CALN1: variants seen among roughly 807,000 people sequenced by gnomAD.
The protein encoded by CALN1 is calcium-binding protein 8.
Under a neutral mutation model 30.6 loss-of-function variants are expected in CALN1, and 17 were observed. The ratio of observed to expected loss-of-function variants is 0.56; its 90% CI spans 0.38 to 0.83. CALN1 has a LOEUF of 0.83. CALN1 is among the 40% of genes least tolerant of loss of function. CALN1 has a pLI of 0.00. For synonymous variants in CALN1, 156 were observed against 131.4 expected (o/e 1.19, Z -1.28); for missense variants, 291 against 354.9 (o/e 0.82, Z 1.45).
At chr7:72,501,948 T>TATACAC in the CALN1 span, among the ~76,000 whole-genome samples, 12,859 of 72,122 alleles carry the variant, frequency 0.18, 2,385 homozygotes, top group Non-Finnish European at 0.2. Flanking sequence ...TATATATATA[T>TATACAC]ACACACATAT....
At chr7:72,490,737 C>T in the CALN1 span, among the ~76,000 whole-genome samples, 2 of 152,132 alleles carry the variant, frequency 1.3e-5, no homozygotes, top group African/African-American at 2.4e-5. Context: ...TGAAGATGTG[C>T]TTGCTTCCCC....
intron 5 of CALN1, among the ~76,000 whole-genome samples, chr7:71,919,489 C>T (rs1008124590): frequency 1.3e-5 from 2 of 152,196 alleles, no homozygotes; most frequent in Non-Finnish European, 2.9e-5. Flanking sequence ...TAGGAAAAGA[C>T]ATAGTCCCTG....
At chr7:71,920,271 C>T (rs1441978145) in intron 5 of CALN1, among the ~76,000 whole-genome samples, 1 of 151,096 alleles carries the variant, frequency 6.6e-6, no homozygotes, top group Non-Finnish European at 1.5e-5. Context: ...GACAAACACA[C>T]TTGATTTTAA....
intron 1 of CALN1, among the ~76,000 whole-genome samples, chr7:72,425,277 C>G (rs951876549): frequency 1.3e-5 from 2 of 152,184 alleles, no homozygotes; most frequent in Non-Finnish European, 2.9e-5. Context: ...CCACACCCAG[C>G]TAATTTTTGT....
intron 4 of CALN1, among the ~76,000 whole-genome samples, chr7:72,079,411 T>A (rs761987403): frequency 5.7e-4 from 87 of 152,336 alleles, no homozygotes; most frequent in Non-Finnish European, 1.1e-3. Flanking sequence ...CCTGACCTGC[T>A]TGCTTTTGGC....
intron 2 of CALN1, among the ~76,000 whole-genome samples, chr7:72,374,953 A>G (rs1455451791): frequency 3.3e-5 from 5 of 152,192 alleles, no homozygotes; most frequent in African/African-American, 1.2e-4. Flanking sequence ...ACATATAAAT[A>G]TGGATCTAAT....
At chr7:72,187,886 A>G (rs1267296500) in intron 3 of CALN1, among the ~76,000 whole-genome samples, 1 of 152,140 alleles carries the variant, frequency 6.6e-6, no homozygotes, top group Non-Finnish European at 1.5e-5. Context: ...TCAAAAACTT[A>G]TCCTGCAGGA....
At chr7:72,114,300 AAGGGAAGGGAAG>A (rs1807807798) in intron 3 of CALN1, among the ~76,000 whole-genome samples, 1 of 92,130 alleles carries the variant, frequency 1.1e-5, no homozygotes, top group Non-Finnish European at 2.4e-5. Flanking sequence ...AAGGGAAGGG[AAGGGAAGGGAAG>A]GCAACACTGT....
chr7:72,343,837 C>A (rs927049756), intron 2 of CALN1, among the ~76,000 whole-genome samples: 13 of 152,214 alleles, frequency 8.5e-5, no homozygotes, highest in African/African-American at 3.1e-4. Context: ...CCAGGCGAAA[C>A]CTTTCAAATC....
chr7:72,118,409 A>G (rs1330956242), intron 3 of CALN1, among the ~76,000 whole-genome samples: 1 of 152,226 alleles, frequency 6.6e-6, no homozygotes, highest in East Asian at 1.9e-4. Flanking sequence ...GGTCATGAAA[A>G]GTATTTCTTT....
At chr7:71,808,912 C>T (rs111512307) in intron 6 of CALN1, among the ~76,000 whole-genome samples, 3,180 of 152,158 alleles carry the variant, frequency 0.021, 44 homozygotes, top group Middle Eastern at 0.051. Flanking sequence ...CGCTCCTCAC[C>T]CCTCCTCACC....
chr7:71,999,275 G>A (rs1185813838), intron 5 of CALN1, among the ~76,000 whole-genome samples: 1 of 152,142 alleles, frequency 6.6e-6, no homozygotes, highest in East Asian at 1.9e-4. Context: ...AATCCACCAG[G>A]ATGATATGCA....
At chr7:71,860,246 G>A (rs1364177485) in intron 5 of CALN1, among the ~76,000 whole-genome samples, 1 of 150,024 alleles carries the variant, frequency 6.7e-6, no homozygotes, top group Admixed American at 6.7e-5. Flanking sequence ...AGGTTGGAGT[G>A]CAGTGGGGTG....
intron 2 of CALN1, among the ~76,000 whole-genome samples, chr7:72,355,924 G>C (rs375274094): frequency 6.6e-6 from 1 of 152,234 alleles, no homozygotes. Context: ...TTTATTATAT[G>C]TAAATTATCC....
intron 2 of CALN1, among the ~76,000 whole-genome samples, chr7:72,331,147 C>A: frequency 6.6e-6 from 1 of 152,050 alleles, no homozygotes; most frequent in Middle Eastern, 3.4e-3. Flanking sequence ...GTCAGGAGTT[C>A]GAGACCAGCC....
At chr7:72,484,176 G>C in the CALN1 span, among the ~76,000 whole-genome samples, 19 of 151,976 alleles carry the variant, frequency 1.3e-4, no homozygotes, top group Non-Finnish European at 2.2e-4. Flanking sequence ...CTGCATCTTT[G>C]CATGCCTGGT....
intron 4 of CALN1, among the ~76,000 whole-genome samples, chr7:72,023,996 G>A (rs1470297017): frequency 6.6e-6 from 1 of 152,194 alleles, no homozygotes; most frequent in Non-Finnish European, 1.5e-5. Flanking sequence ...ACATTTGACA[G>A]TATTTCTAGC....
intron 2 of CALN1, among the ~76,000 whole-genome samples, chr7:72,331,142 G>T (rs1036163082): frequency 2.0e-5 from 3 of 152,060 alleles, no homozygotes; most frequent in Non-Finnish European, 2.9e-5. Context: ...CTGAAGTCAG[G>T]AGTTCGAGAC....
At chr7:72,164,091 G>C (rs937779797) in intron 3 of CALN1, among the ~76,000 whole-genome samples, 1 of 152,214 alleles carries the variant, frequency 6.6e-6, no homozygotes, top group African/African-American at 2.4e-5. Flanking sequence ...ATATGGACCA[G>C]GTGCAGTGGC....
Sources: gnomAD v4.1 joint callset for allele counts (sites outside exome capture counted in the v4.1 genomes callset) on GRCh38, gnomAD v4.1.1 for gene constraint, MANE v1.5 for transcripts, NCBI Gene and HGNC (gene_info 2026-07-23, HGNC 2026-07-21) for gene names.